Variants in PPP2R2B observed in about 807,000 individuals in gnomAD.
PPP2R2B encodes serine/threonine-protein phosphatase 2A 55 kDa regulatory subunit B beta isoform.
PPP2R2B carries 5 observed loss-of-function variants against 46.0 expected under a neutral mutation model. That is an observed-to-expected ratio of 0.11 (90% confidence interval 0.06 to 0.23). The LOEUF (loss-of-function observed/expected upper bound fraction) is 0.23. PPP2R2B is among the 10% of genes least tolerant of loss of function. The pLI is 1.00. For missense variants in PPP2R2B, 367 were observed against 575.0 expected, an observed-to-expected ratio of 0.64 and a Z score of 3.70; for synonymous variants, 215 against 206.7, an observed-to-expected ratio of 1.04 and a Z score of -0.34.
chr5:146,907,054 A>G (rs965243095), intron 1 of PPP2R2B, among the ~76,000 whole-genome samples: 32 of 152,298 alleles, frequency 2.1e-4, no homozygotes, highest in African/African-American at 7.2e-4. Context: ...TCCTTGGCTG[A>G]TTGTGGTGAG....
At chr5:146,786,896 CG>C (rs1341188704) in intron 2 of PPP2R2B, among the ~76,000 whole-genome samples, 5 of 152,144 alleles carry the variant, frequency 3.3e-5, no homozygotes, top group African/African-American at 1.2e-4. Flanking sequence ...TTCTTTATAA[CG>C]AAGCTAACAA....
chr5:146,960,731 G>A (rs1247141313), intron 1 of PPP2R2B, among the ~76,000 whole-genome samples: 2 of 152,068 alleles, frequency 1.3e-5, no homozygotes, highest in Non-Finnish European at 2.9e-5. Context: ...GGGATCAGCC[G>A]TAGATCCTAG....
chr5:146,707,505 T>C lies in PPP2R2B; in HGVS notation c.71-6363A>G, dbSNP rs1779936233. 7 of 737,142 alleles carry C rather than the reference T, an allele frequency of 9.5e-6. No homozygotes were observed. In the South Asian group the frequency reaches 9.9e-5, roughly 10 times the overall value. The allele number at this position is 737,142 out of a possible 1,614,324, so 45.7% of individuals were successfully genotyped here. ...ACTCAGGAGAAGCTCAAGGAGCTGA[T>C]GCAGACACCAGGCCCACTCGTGTAG... On this transcript the variant is annotated intron_variant, in intron 2 of 9. Transcript: ENST00000394411.
At chr5:146,615,515 T>TAAAAAAAAAAAAAAAAAAAAA (rs1364774106) in intron 7 of PPP2R2B, among the ~76,000 whole-genome samples, 1 of 71,030 alleles carries the variant, frequency 1.4e-5, no homozygotes, top group African/African-American at 4.6e-5. Context: ...AAAAAAAAAT[T>TAAAAAAAAAAAAAAAAAAAAA]AAAAAAAAAA....
At chr5:146,810,005 A>C (rs1024284171) in intron 2 of PPP2R2B, among the ~76,000 whole-genome samples, 5 of 152,198 alleles carry the variant, frequency 3.3e-5, no homozygotes, top group Admixed American at 3.3e-4. Context: ...TAGAGTAAGG[A>C]AAATCAGAAA....
chr5:146,617,506 C>T (rs1031826403), intron 7 of PPP2R2B, among the ~76,000 whole-genome samples: 5 of 152,020 alleles, frequency 3.3e-5, no homozygotes, highest in South Asian at 2.1e-4. Flanking sequence ...CATAAAAAGA[C>T]GTCAACAAGT....
chr5:146,640,908 C>A (rs1308274383), intron 6 of PPP2R2B, among the ~76,000 whole-genome samples: 2 of 152,156 alleles, frequency 1.3e-5, no homozygotes, highest in Non-Finnish European at 2.9e-5. Flanking sequence ...ACCTTCCAAG[C>A]CTACCCACCA....
intron 7 of PPP2R2B, among the ~76,000 whole-genome samples, chr5:146,633,209 C>A (rs1263708007): frequency 3.3e-5 from 5 of 152,154 alleles, no homozygotes; most frequent in Non-Finnish European, 7.4e-5. Flanking sequence ...GAGTGAGGGA[C>A]ATATGGAAAT....
chr5:146,641,298 C>G (rs1199480618), intron 6 of PPP2R2B, among the ~76,000 whole-genome samples: 1 of 152,146 alleles, frequency 6.6e-6, no homozygotes. Flanking sequence ...AGCCCGGGTT[C>G]TTTCTCACCA....
intron 1 of PPP2R2B, among the ~76,000 whole-genome samples, chr5:147,003,365 G>A (rs751866924): frequency 3.3e-5 from 5 of 152,076 alleles, no homozygotes; most frequent in African/African-American, 7.2e-5. Context: ...GGGGAATTTG[G>A]CCCAACCCAG....
chr5:146,985,109 C>T (rs1225179115), intron 1 of PPP2R2B, among the ~76,000 whole-genome samples: 1 of 148,304 alleles, frequency 6.7e-6, no homozygotes, highest in Admixed American at 6.7e-5. Flanking sequence ...CAACCTATGC[C>T]TCCCAGGTTC....
intron 2 of PPP2R2B, among the ~76,000 whole-genome samples, chr5:146,826,997 T>C (rs1340620417): frequency 6.6e-6 from 1 of 152,236 alleles, no homozygotes; most frequent in Non-Finnish European, 1.5e-5. Context: ...CAATAAATAT[T>C]TGAACTAAAG....
chr5:146,943,541 A>G (rs1309833271), intron 1 of PPP2R2B, among the ~76,000 whole-genome samples: 1 of 152,158 alleles, frequency 6.6e-6, no homozygotes, highest in African/African-American at 2.4e-5. Flanking sequence ...CTCCATTTTA[A>G]TGTGTTTTCT....
Position 146,588,758 on chromosome 5 carries a change from C to T in PPP2R2B, c.*1189G>A, listed in dbSNP as rs779857886. ...ACTTCATGTCACAGCTGCTTGATTT[C>T]CCCACAGTTCATTTCTGTAGAAGAG... On this transcript the variant is annotated 3_prime_UTR_variant, in exon 10 of 10. Coordinates refer to ENST00000394411, the MANE Select transcript of PPP2R2B (RefSeq NM_181675.4). The T allele has an allele frequency of 1.2e-4, 18 of 152,166 alleles. No individual in the cohort carries two copies. Among genetic ancestry groups the T allele is most frequent in the Non-Finnish European group, 1.9e-4 (13 of 68,042 alleles). 9.4% of individuals were successfully genotyped at this position (152,166 alleles called of 1,614,324 possible).
At chr5:146,856,738 T>A (rs1337796085) in intron 2 of PPP2R2B, among the ~76,000 whole-genome samples, 2 of 152,026 alleles carry the variant, frequency 1.3e-5, no homozygotes, top group Admixed American at 1.3e-4. Context: ...GCTAACAAGG[T>A]AACACAATCA....
rs140665745 is a variant in PPP2R2B, at chr5:146,809,846, C to T, written c.70+68156G>A. Among the ~76,000 whole-genome samples the T allele has an allele frequency of 5.6e-3, 853 of 152,210 alleles. 10 individuals carry two copies. The highest frequency in any genetic ancestry group is 0.019 in the African/African-American group (784 of 41,522). Reference sequence around the variant, plus strand: ...AGCAGAGAGTGGAAGCAGGGAGACCCGGTAGGGGCTCTGTCTGTAGTGCAG... The same window carrying T: ...AGCAGAGAGTGGAAGCAGGGAGACCTGGTAGGGGCTCTGTCTGTAGTGCAG... On this transcript the variant is annotated intron_variant, in intron 2 of 9. Transcript: ENST00000394411.
chr5:146,642,559 T>TA (rs1775290366), intron 6 of PPP2R2B, among the ~76,000 whole-genome samples: 1 of 152,208 alleles, frequency 6.6e-6, no homozygotes, highest in South Asian at 2.1e-4. Flanking sequence ...TCCAAGTCTG[T>TA]AAAAACCATA....
chr5:146,596,877 T>G lies in PPP2R2B; in HGVS notation c.960+3414A>C, dbSNP rs188761349. ...GTGAATTCTGGCTCCCAAACCTTTC[T>G]CCAGCCCTGCTGGAACACAGAGTCA... On this transcript the variant is annotated intron_variant, in intron 8 of 9. Transcript: ENST00000394411. Among the ~76,000 whole-genome samples, 231 of 152,294 alleles carry G rather than the reference T, an allele frequency of 1.5e-3. 1 individual carries two copies. The South Asian group carries it at 0.03, about 20-fold the overall frequency.
chr5:146,757,834 A>C (rs2151247560), intron 2 of PPP2R2B, among the ~76,000 whole-genome samples: 1 of 152,276 alleles, frequency 6.6e-6, no homozygotes, highest in Non-Finnish European at 1.5e-5. Flanking sequence ...CCCTGACATC[A>C]CCTTGGCTTT....
Sources: allele counts gnomAD v4.1 joint callset (sites outside exome capture counted in the v4.1 genomes callset), GRCh38; gene constraint gnomAD v4.1.1; transcripts MANE v1.5; gene names NCBI Gene and HGNC (gene_info 2026-07-23, HGNC 2026-07-21).